Variants in STAT5A observed in about 807,000 individuals in gnomAD.
STAT5A encodes epididymis secretory sperm binding protein.
STAT5A carries 26 observed loss-of-function variants against 100.2 expected under a neutral mutation model. The ratio of observed to expected loss-of-function variants is 0.26; its 90% CI spans 0.19 to 0.36. The LOEUF (loss-of-function observed/expected upper bound fraction) is 0.36, where lower values mean the gene tolerates loss of function less well. STAT5A is among the 10% of genes least tolerant of loss of function. The probability of loss-of-function intolerance (pLI) is 1.00; values close to 1 mark genes in which losing one functional copy is unlikely to be tolerated. For synonymous variants in STAT5A, 330 were observed against 424.3 expected (o/e 0.78, Z 2.73); for missense variants, 634 against 1,027.5 (o/e 0.62, Z 5.24).
rs879097677 is a variant in STAT5A at position 42,303,710 on chromosome 17, CA to C, written c.1170-621del. On this transcript the variant is annotated intron_variant, in intron 9 of 18. Coordinates refer to ENST00000590949, the MANE Select transcript of STAT5A (RefSeq NM_001288718.2). ...GGGCAAAAAGAGCAAAGCTCTGTCT[CA>C]AAAAAAAAAAGAAAAAAGAGCAATC... is the stretch of plus-strand genomic sequence containing the variant. Among the ~76,000 whole-genome samples the C allele has an allele frequency of 6.1e-3, 869 of 142,194 alleles. 7 individuals are homozygous for C. The highest frequency in any genetic ancestry group is 0.015 in the South Asian group (66 of 4,508). 93.3% of individuals were successfully genotyped at this position (142,194 alleles called of 152,430 possible). A position where few individuals can be genotyped will look rare whatever the true frequency, so the allele number is the denominator to read the frequency against.
chr17:42,301,218 G>C, intron 8 of STAT5A, 57 bp from the exon 9 acceptor site: 2 of 1,583,158 alleles, frequency 1.3e-6, no homozygotes, highest in Non-Finnish European at 1.7e-6. Context: ...GAGGGACTGA[G>C]AGCCCTTTCC....
intron 9 of STAT5A, among the ~76,000 whole-genome samples, chr17:42,301,663 C>G (rs1483809831): frequency 1.3e-5 from 2 of 152,212 alleles, no homozygotes; most frequent in East Asian, 3.8e-4. Context: ...GCCGAGTATC[C>G]GTTCTTTACC....
Position 42,289,511 on chromosome 17 carries a change from T to A in STAT5A, c.100T>A (p.Leu34Met), listed in dbSNP as rs776231100. 4 of 1,613,094 alleles carry A rather than the reference T, an allele frequency of 2.5e-6. No individual in the cohort carries two copies. The African/African-American group carries it at 5.3e-5, about 22-fold the overall frequency. Residue 34 changes from leucine (L) to methionine (M), a missense_variant, in exon 2 of 19, where the codon TTG becomes ATG. By Grantham distance (15) the Leu-to-Met change is conservative. This residue lies in a region of STAT5A where 207 missense variants were observed against 256.6 expected (regional missense o/e 0.81). Transcript: ENST00000590949. Reference sequence around the variant, plus strand: ...CTTCCCCATCGAGGTCCGGCACTACTTGGCCCAGTGGATTGAGAGCCAGCC... The same window carrying A: ...CTTCCCCATCGAGGTCCGGCACTACATGGCCCAGTGGATTGAGAGCCAGCC... ...QHFPIEVRHY[L>M]AQWIESQPWD...
intron 18 of STAT5A, 176 bp downstream of exon 18, chr17:42,309,660 C>A: frequency 1.6e-6 from 1 of 616,096 alleles, no homozygotes; most frequent in Non-Finnish European, 2.8e-6. Context: ...AGGGTCAAGT[C>A]CTCACTCTAG....
intron 18 of STAT5A, 162 bp downstream of exon 18, chr17:42,309,646 T>C (rs1209516012): frequency 1.5e-6 from 1 of 674,240 alleles, no homozygotes; most frequent in Non-Finnish European, 2.5e-6. Context: ...AAGCTAGACA[T>C]AGCAGGGTCA....
chr17:42,288,156 G>C (rs1363637727), upstream of STAT5A: 2 of 152,370 alleles, frequency 1.3e-5, no homozygotes, highest in Non-Finnish European at 2.9e-5. The surrounding 1 kb of genome is among the most constrained non-coding windows in gnomAD (Gnocchi z 4.8). Flanking sequence ...GCCCAGGTTT[G>C]GGATTTCCAG....
chr17:42,299,095 C>T (rs140012301), intron 5 of STAT5A, among the ~76,000 whole-genome samples: 279 of 152,212 alleles, frequency 1.8e-3, no homozygotes, highest in African/African-American at 6.6e-3. Context: ...TGCTCAGGGA[C>T]GAGACAGAGC....
intron 9 of STAT5A, 74 bp downstream of exon 9, chr17:42,301,528 C>T: frequency 6.3e-7 from 1 of 1,575,752 alleles, no homozygotes; most frequent in Non-Finnish European, 8.6e-7. Context: ...GTCCTTGCAT[C>T]CAGCTATGTC....
rs767625036 is a variant in STAT5A, at chr17:42,292,112, C to G, written c.375+51C>G. ...GAGTGTTGAGAAGTCCCTCCATATG[C>G]CTTTCTCTCCAGAAACAACTGTGTT... On this transcript the variant is annotated intron_variant, in intron 4 of 18. Transcript: ENST00000590949. 3.1e-6 allele frequency: 5 copies of G among 1,591,574 alleles called. No individual in the cohort carries two copies. In the African/African-American group the frequency reaches 4.0e-5, roughly 13 times the overall value.
chr17:42,299,441 G>A (rs562829489), intron 5 of STAT5A, among the ~76,000 whole-genome samples: 2 of 152,360 alleles, frequency 1.3e-5, no homozygotes, highest in African/African-American at 2.4e-5. Context: ...ATGCTGGGAC[G>A]CGAGAAGAGG....
At chr17:42,294,889 C>T (rs1193977639) in intron 4 of STAT5A, among the ~76,000 whole-genome samples, 12 of 147,350 alleles carry the variant, frequency 8.1e-5, no homozygotes, top group Non-Finnish European at 1.5e-5. Context: ...TGGTTTCTAC[C>T]CCTCTCTCTC....
chr17:42,307,939 C>G lies in STAT5A; in HGVS notation c.1906+216C>G, dbSNP rs537113739. On this transcript the variant is annotated intron_variant, in intron 15 of 18. Coordinates refer to ENST00000590949, the MANE Select transcript of STAT5A (RefSeq NM_001288718.2). ...CCCCATAGACTCCAGGACGGCTGGG[C>G]GAGTCCTCCTGCAGTTTCACGCTCT... Among the ~76,000 whole-genome samples, 23 of 152,338 alleles carry G rather than the reference C, an allele frequency of 1.5e-4. No individual in the cohort carries two copies. In the East Asian group the frequency reaches 3.5e-3, roughly 23 times the overall value.
chr17:42,296,022 C>G (rs2080915125), intron 5 of STAT5A, among the ~76,000 whole-genome samples: 1 of 152,118 alleles, frequency 6.6e-6, no homozygotes, highest in African/African-American at 2.4e-5. Context: ...GTGTTATCCC[C>G]CCTTTTGCAG....
chr17:42,307,485 C>G lies in STAT5A; in HGVS notation c.1764C>G (p.His588Gln). 1 of 1,614,102 alleles carries G rather than the reference C, an allele frequency of 6.2e-7. No individual in the cohort carries two copies. Among genetic ancestry groups the G allele is most frequent in the Non-Finnish European group, 8.5e-7 (1 of 1,180,024 alleles). ...TGTTGAAGAAGCACCACAAGCCCCA[C>G]TGGAATGATGGGTAAGGAACGGGGG... is the stretch of plus-strand genomic sequence containing the variant. ...MEVLKKHHKP[H>Q]WNDGAILGFV... Residue 588 changes from histidine to glutamine, a missense_variant, in exon 14 of 19, where the codon CAC becomes CAG. His to Gln is a conservative substitution (Grantham distance 24). This residue lies in a region of STAT5A where 210 missense variants were observed against 428.4 expected (regional missense o/e 0.49). Coordinates refer to ENST00000590949, the MANE Select transcript of STAT5A (RefSeq NM_001288718.2).
In STAT5A at chr17:42,305,711, C is replaced by T; in HGVS notation, c.1473+9C>T. 1 of 1,613,768 alleles carries T rather than the reference C, an allele frequency of 6.2e-7. No homozygotes were observed. On this transcript the variant is annotated intron_variant, in intron 12 of 18. Coordinates refer to ENST00000590949, the MANE Select transcript of STAT5A (RefSeq NM_001288718.2). The stretch of plus-strand genomic sequence containing the variant: ...ATGCCTTTGCTGAGCCGGTGAGTCC[C>T]CGTGGGAGCCCTACCCCAGCACCCC...
intron 4 of STAT5A, among the ~76,000 whole-genome samples, chr17:42,294,014 A>C (rs1052286374): frequency 6.6e-6 from 1 of 152,150 alleles, no homozygotes; most frequent in Non-Finnish European, 1.5e-5. Context: ...CAGAAGTTCG[A>C]GACCAGCCTG....
intron 7 of STAT5A, among the ~76,000 whole-genome samples, chr17:42,300,496 G>A (rs565184824): frequency 3.5e-4 from 54 of 152,260 alleles, no homozygotes; most frequent in African/African-American, 1.2e-3. Flanking sequence ...GATGGGGCTC[G>A]GGTGTGTGGG....
chr17:42,299,685 G>A, intron 5 of STAT5A, 66 bp from the exon 6 acceptor site: 1 of 1,612,140 alleles, frequency 6.2e-7, no homozygotes, highest in Non-Finnish European at 8.5e-7. Flanking sequence ...CAGGTGAGTG[G>A]GCTTCTCTAG....
At chr17:42,289,249 C>A in intron 1 of STAT5A, 153 bp from the exon 2 acceptor site, 1 of 851,552 alleles carries the variant, frequency 1.2e-6, no homozygotes, top group Non-Finnish European at 1.7e-6. Flanking sequence ...CCACTCCTCA[C>A]CATCTCTGTT....
Sources: gnomAD v4.1 joint callset for allele counts (sites outside exome capture counted in the v4.1 genomes callset) on GRCh38, gnomAD v4.1.1 for gene constraint, gnomAD v4.1.1 regional missense constraint, Gnocchi (gnomAD v3.1) non-coding constraint, MANE v1.5 for transcripts, NCBI Gene and HGNC (gene_info 2026-07-23, HGNC 2026-07-21) for gene names.